The following ANXA3 variants were observed in gnomAD, a reference collection of about 807,000 sequenced individuals.
ANXA3 encodes the protein annexin A3, also known as 35-alpha calcimedin.
Under a neutral mutation model 48.8 loss-of-function variants are expected in ANXA3, and 46 were observed. That is an observed-to-expected ratio of 0.94 (90% confidence interval 0.74 to 1.21). ANXA3 has a LOEUF of 1.21. Ranked by LOEUF, ANXA3 falls within the 50% of genes most tolerant of loss-of-function variation. ANXA3 has a pLI of 0.00. For synonymous variants in ANXA3, 128 were observed against 134.7 expected (o/e 0.95, Z 0.35); for missense variants, 383 against 378.6 (o/e 1.01, Z -0.10).
chr4:78,581,848 G>C (rs997766656), intron 4 of ANXA3, among the ~76,000 whole-genome samples: 1 of 152,126 alleles, frequency 6.6e-6, no homozygotes, highest in Non-Finnish European at 1.5e-5. Flanking sequence ...AATTTATAAG[G>C]GTTCCTCTTC....
intron 6 of ANXA3, among the ~76,000 whole-genome samples, chr4:78,588,595 C>A (rs1208616299): frequency 2.6e-5 from 4 of 152,090 alleles, no homozygotes; most frequent in Non-Finnish European, 5.9e-5. Flanking sequence ...GCTTAAGGAG[C>A]AGGAGTTCAG....
intron 6 of ANXA3, among the ~76,000 whole-genome samples, chr4:78,587,219 G>A (rs907633964): frequency 3.9e-5 from 6 of 152,138 alleles, no homozygotes; most frequent in Admixed American, 6.5e-5. Context: ...TTGGGGTTTC[G>A]TTATATAAGC....
At chr4:78,565,445 C>T (rs368231896) in intron 2 of ANXA3, among the ~76,000 whole-genome samples, 13 of 152,286 alleles carry the variant, frequency 8.5e-5, no homozygotes, top group African/African-American at 2.6e-4. Context: ...AGCGCCCATG[C>T]GATTATCTTC....
chr4:78,600,581 G>A (rs1447664293), intron 10 of ANXA3, among the ~76,000 whole-genome samples: 1 of 152,064 alleles, frequency 6.6e-6, no homozygotes, highest in African/African-American at 2.4e-5. Flanking sequence ...GCTGTGTTTG[G>A]GTTTCTAATA....
chr4:78,581,632 A>T (rs1723072072), intron 4 of ANXA3, among the ~76,000 whole-genome samples: 1 of 152,224 alleles, frequency 6.6e-6, no homozygotes, highest in Non-Finnish European at 1.5e-5. Flanking sequence ...GTCAGAAAAA[A>T]TAAGTCTAAT....
At chr4:78,555,072 G>C (rs903628449) in intron 2 of ANXA3, among the ~76,000 whole-genome samples, 1 of 152,206 alleles carries the variant, frequency 6.6e-6, no homozygotes, top group East Asian at 1.9e-4. Context: ...CGGTGCGATG[G>C]CAGATGCCTG....
intron 7 of ANXA3, among the ~76,000 whole-genome samples, chr4:78,592,919 A>G (rs1044521875): frequency 5.9e-5 from 9 of 152,172 alleles, no homozygotes; most frequent in Non-Finnish European, 1.0e-4. Context: ...GCAGCACAGA[A>G]AAGAAACCAG....
intron 7 of ANXA3, among the ~76,000 whole-genome samples, chr4:78,592,089 A>T (rs189719900): frequency 3.1e-4 from 47 of 152,204 alleles, no homozygotes; most frequent in African/African-American, 1.1e-3. Context: ...TCTCAGGATT[A>T]AAAAAAAGAA....
chr4:78,567,597 G>A (rs1722758592), intron 2 of ANXA3, among the ~76,000 whole-genome samples: 1 of 152,128 alleles, frequency 6.6e-6, no homozygotes. Flanking sequence ...TAAATTTTTT[G>A]TAACAAGACA....
At chr4:78,561,124 C>G (rs1722619488) in intron 2 of ANXA3, among the ~76,000 whole-genome samples, 1 of 151,886 alleles carries the variant, frequency 6.6e-6, no homozygotes, top group South Asian at 2.1e-4. Context: ...ATAGAAGATA[C>G]CGAAAAAGGG....
chr4:78,582,060 C>T (rs1723081721), intron 4 of ANXA3, 117 bp from the exon 5 acceptor site: 8 of 619,090 alleles, frequency 1.3e-5, no homozygotes, highest in South Asian at 4.1e-5. Context: ...CTGTTTATTC[C>T]CTGTGGATGG....
At chr4:78,586,447 G>T in intron 6 of ANXA3, 97 bp downstream of exon 6, 2 of 827,536 alleles carry the variant, frequency 2.4e-6, no homozygotes, top group South Asian at 1.7e-5. Flanking sequence ...GAGGCATTTT[G>T]AGAAGACAAG....
At chr4:78,562,371 T>C (rs2109926489) in intron 2 of ANXA3, among the ~76,000 whole-genome samples, 1 of 152,308 alleles carries the variant, frequency 6.6e-6, no homozygotes, top group South Asian at 2.1e-4. Context: ...TTGTAACTCT[T>C]TGTGTTTGAT....
chr4:78,608,108 G>T (rs1469836721), intron 12 of ANXA3, among the ~76,000 whole-genome samples: 1 of 152,022 alleles, frequency 6.6e-6, no homozygotes, highest in South Asian at 2.1e-4. Flanking sequence ...CTAGGCTCAG[G>T]GTTACAATTA....
chr4:78,600,974 C>T (rs1233133037), intron 10 of ANXA3, among the ~76,000 whole-genome samples: 2 of 151,680 alleles, frequency 1.3e-5, no homozygotes. Context: ...ATGACAGATA[C>T]TTGTTCTAAT....
In ANXA3 at chr4:78,604,306, CCGA is replaced by C. The variant is rs1723603633; in HGVS notation, c.820_822del (p.Arg274del). ...TTGGAACTGATGAGTTTACTCTGAACCGAATAATGGTGTCCAGATCAGAAATTG... is the reference window on the plus strand; with the variant it reads ...TTGGAACTGATGAGTTTACTCTGAACATAATGGTGTCCAGATCAGAAATTG... On this transcript the variant is annotated inframe_deletion, in exon 12 of 13. Coordinates refer to ENST00000264908, the MANE Select transcript of ANXA3 (RefSeq NM_005139.3). 1.3e-5 allele frequency: 21 copies of C among 1,612,878 alleles called. No homozygotes were observed. The highest frequency in any genetic ancestry group is 1.7e-5 in the Non-Finnish European group (20 of 1,179,214).
chr4:78,553,702 G>A (rs1019584795), intron 1 of ANXA3, among the ~76,000 whole-genome samples: 1 of 152,204 alleles, frequency 6.6e-6, no homozygotes, highest in Non-Finnish European at 1.5e-5. Context: ...TATTTCCAGA[G>A]ACTAATAGTG....
chr4:78,600,782 T>C (rs1194636564), intron 10 of ANXA3, among the ~76,000 whole-genome samples: 3 of 152,204 alleles, frequency 2.0e-5, no homozygotes, highest in Non-Finnish European at 4.4e-5. Flanking sequence ...AAAATAATTG[T>C]GTTGCTGTAA....
At chr4:78,601,418 T>C (rs1224036656) in intron 10 of ANXA3, 92 bp from the exon 11 acceptor site, 17 of 1,212,436 alleles carry the variant, frequency 1.4e-5, no homozygotes, top group Admixed American at 1.2e-4. Flanking sequence ...GGTATGACAG[T>C]CCAAAGAATC....
Sources: allele counts gnomAD v4.1 joint callset (sites outside exome capture counted in the v4.1 genomes callset), GRCh38; gene constraint gnomAD v4.1.1; transcripts MANE v1.5; gene names NCBI Gene and HGNC (gene_info 2026-07-23, HGNC 2026-07-21).